HAS2: variants seen among roughly 807,000 people sequenced by gnomAD.
The protein encoded by HAS2 is hyaluronan synthase 2, also known as HA synthase 2.
Under a neutral mutation model 51.6 loss-of-function variants are expected in HAS2, and 16 were observed. That is an observed-to-expected ratio of 0.31 (90% CI 0.21 to 0.47). The LOEUF (loss-of-function observed/expected upper bound fraction) is 0.47, where lower values mean the gene tolerates loss of function less well. Ranked by LOEUF, HAS2 falls within the 20% of genes least tolerant of loss-of-function variation. The probability of loss-of-function intolerance (pLI) is 1.00; values close to 1 mark genes in which losing one functional copy is unlikely to be tolerated. For missense variants in HAS2, 361 were observed against 662.6 expected, an observed-to-expected ratio of 0.54 and a Z score of 5.00; for synonymous variants, 228 against 235.5, an observed-to-expected ratio of 0.97 and a Z score of 0.29.
intron 1 of HAS2, among the ~76,000 whole-genome samples, chr8:121,634,875 T>C (rs1032598891): frequency 3.9e-5 from 6 of 152,052 alleles, no homozygotes; most frequent in Admixed American, 3.9e-4. Flanking sequence ...AGGCAGATGG[T>C]CCCCAAGAGC....
chr8:121,617,293 T>C, intron 2 of HAS2, 87 bp from the exon 3 acceptor site: 1 of 720,318 alleles, frequency 1.4e-6, no homozygotes, highest in Non-Finnish European at 2.4e-6. Context: ...ATACATACTG[T>C]GTCCTCATCT....
intron 1 of HAS2, among the ~76,000 whole-genome samples, chr8:121,633,277 C>T (rs6993699): frequency 0.028 from 4,197 of 151,904 alleles, 224 homozygotes; most frequent in African/African-American, 0.097. Flanking sequence ...TCCCGAGTAG[C>T]TGGGACTACA....
intron 1 of HAS2, among the ~76,000 whole-genome samples, chr8:121,631,675 C>T (rs1486019861): frequency 6.6e-6 from 1 of 152,170 alleles, no homozygotes; most frequent in African/African-American, 2.4e-5. Context: ...TACGGCATCT[C>T]TTGTTAATTA....
intron 1 of HAS2, among the ~76,000 whole-genome samples, chr8:121,637,434 A>G (rs902331905): frequency 7.3e-6 from 1 of 137,278 alleles, no homozygotes; most frequent in Admixed American, 8.2e-5. Context: ...TCTGTCACCC[A>G]GGCTGGAGTG....
At chr8:121,635,433 T>G (rs185165019) in intron 1 of HAS2, among the ~76,000 whole-genome samples, 2 of 152,280 alleles carry the variant, frequency 1.3e-5, no homozygotes, top group Admixed American at 1.3e-4. Flanking sequence ...TAACCCTGAC[T>G]CTCCTTCCAC....
At chr8:121,635,292 A>C (rs1340227076) in intron 1 of HAS2, among the ~76,000 whole-genome samples, 1 of 152,168 alleles carries the variant, frequency 6.6e-6, no homozygotes, top group African/African-American at 2.4e-5. Flanking sequence ...CCATCTATAA[A>C]ATGGAGCTAA....
intron 2 of HAS2, among the ~76,000 whole-genome samples, chr8:121,621,922 T>G (rs2130437922): frequency 6.6e-6 from 1 of 152,268 alleles, no homozygotes; most frequent in South Asian, 2.1e-4. Flanking sequence ...GAGAGAAATC[T>G]TAATTACTCT....
intron 2 of HAS2, among the ~76,000 whole-genome samples, chr8:121,621,254 CCT>C (rs1289692337): frequency 6.6e-6 from 1 of 152,144 alleles, no homozygotes; most frequent in Non-Finnish European, 1.5e-5. Context: ...TCTCCATCTC[CCT>C]GTGTTAGGAA....
Position 121,620,321 on chromosome 8 carries a change from T to C in HAS2, c.628-3115A>G, listed in dbSNP as rs566944685. On this transcript the variant is annotated intron_variant, in intron 2 of 3. Coordinates refer to ENST00000303924, the MANE Select transcript of HAS2 (RefSeq NM_005328.3). Reference sequence around the variant, plus strand: ...ATCCATACAGCAAGAACAGGCTTTCTAGCCATCTCCTCACTCATCGGTAAC... The same window carrying C: ...ATCCATACAGCAAGAACAGGCTTTCCAGCCATCTCCTCACTCATCGGTAAC... Among the ~76,000 whole-genome samples the C allele has an allele frequency of 4.1e-4, 62 of 152,306 alleles. 3 individuals are homozygous for C. The Middle Eastern group carries it at 0.01, about 25-fold the overall frequency.
intron 1 of HAS2, chr8:121,639,754 A>C (rs1040417825): frequency 6.6e-6 from 1 of 152,114 alleles, no homozygotes; most frequent in African/African-American, 2.4e-5. Flanking sequence ...CCTCCTGTTC[A>C]CAGGGACCCA....
chr8:121,630,733 T>C (rs902239394), intron 1 of HAS2, among the ~76,000 whole-genome samples: 1 of 152,214 alleles, frequency 6.6e-6, no homozygotes, highest in East Asian at 1.9e-4. Context: ...CAAAATCTTT[T>C]GCTTGATGTG....
rs1263290524 is a variant in HAS2 at position 121,628,725 on chromosome 8, C to G, written c.616G>C (p.Asp206His). ...TAFRALGRSVDYVQVCDSDTM... is the reference protein window; with the variant it reads ...TAFRALGRSVHYVQVCDSDTM... ...ATGTGGAGACCTACCTGTACATAATCCACACTTCGTCCCAGTGCTCTGAAG... is the reference window on the plus strand; with the variant it reads ...ATGTGGAGACCTACCTGTACATAATGCACACTTCGTCCCAGTGCTCTGAAG... The change falls in exon 2 of 4, where the codon GAT becomes CAT. Residue 206 changes from aspartate (D) to histidine (H), a missense_variant. By Grantham distance (81) the Asp-to-His change is moderately conservative. Around this residue, in one of 5 missense-constraint regions of HAS2, gnomAD observed 49 missense variants for 108.3 expected, o/e 0.45. Coordinates refer to ENST00000303924, the MANE Select transcript of HAS2 (RefSeq NM_005328.3). 2 of 1,613,318 alleles carry G rather than the reference C, an allele frequency of 1.2e-6. No individual in the cohort carries two copies. The highest frequency in any genetic ancestry group is 1.7e-6 in the Non-Finnish European group (2 of 1,179,606).
At chr8:121,622,404 A>G (rs1035435351) in intron 2 of HAS2, among the ~76,000 whole-genome samples, 1 of 152,128 alleles carries the variant, frequency 6.6e-6, no homozygotes, top group African/African-American at 2.4e-5. Flanking sequence ...TCGTTTCTTC[A>G]CTACAGACTC....
At chr8:121,615,458 G>A (rs1473358576) in intron 3 of HAS2, among the ~76,000 whole-genome samples, 3 of 152,104 alleles carry the variant, frequency 2.0e-5, no homozygotes, top group Admixed American at 6.6e-5. Context: ...TGCCTCACCT[G>A]GGACTACAGG....
chr8:121,617,836 G>A (rs541005195), intron 2 of HAS2, among the ~76,000 whole-genome samples: 1 of 152,238 alleles, frequency 6.6e-6, no homozygotes, highest in Admixed American at 6.5e-5. Context: ...CCCGGGCTTA[G>A]CAAATGACAT....
Position 121,628,864 on chromosome 8 carries a change from C to A in HAS2, c.477G>T (p.Glu159Asp). The change falls in exon 2 of 4, where the codon GAG becomes GAT. Residue 159 changes from glutamate (E) to aspartate (D), a missense_variant. Coordinates refer to ENST00000303924, the MANE Select transcript of HAS2 (RefSeq NM_005328.3). ...AGCTTTCTTTATGTGACTCATCTGT[C>A]TCACCGGGACCCTTTTCGTGGAAGT... ...KNNFHEKGPG[E>D]TDESHKESSQ... 6.2e-7 allele frequency: 1 copy of A among 1,614,124 alleles called. No homozygotes were observed. Among genetic ancestry groups the A allele is most frequent in the Non-Finnish European group, 8.5e-7 (1 of 1,179,992 alleles).
At chr8:121,625,806 C>A (rs1168967860) in intron 2 of HAS2, among the ~76,000 whole-genome samples, 1 of 151,510 alleles carries the variant, frequency 6.6e-6, no homozygotes, top group Non-Finnish European at 1.5e-5. Context: ...CAGGCGTCAG[C>A]CACCACACTG....
At chr8:121,638,674 T>C (rs10089164) in intron 1 of HAS2, among the ~76,000 whole-genome samples, 2 of 152,178 alleles carry the variant, frequency 1.3e-5, no homozygotes, top group Admixed American at 1.3e-4. Flanking sequence ...TAAATTGTCA[T>C]TGAAAATGTA....
chr8:121,622,339 G>A (rs771067464), intron 2 of HAS2, among the ~76,000 whole-genome samples: 52 of 152,030 alleles, frequency 3.4e-4, no homozygotes, highest in Non-Finnish European at 5.9e-4. Context: ...TAAGGCCTTG[G>A]AATCAAATTC....
Sources: allele counts gnomAD v4.1 joint callset (sites outside exome capture counted in the v4.1 genomes callset), GRCh38; gene constraint gnomAD v4.1.1; regional missense constraint gnomAD v4.1.1; transcripts MANE v1.5; gene names NCBI Gene and HGNC (gene_info 2026-07-23, HGNC 2026-07-21).